ADAMTSL1: variants seen among roughly 807,000 people sequenced by gnomAD.
ADAMTSL1 encodes the protein ADAMTS like 1.
Under a neutral mutation model 201.8 loss-of-function variants are expected in ADAMTSL1, and 126 were observed. The observed-to-expected ratio is 0.62, with a 90% CI of 0.54 to 0.72. The LOEUF is 0.72. Ranked by LOEUF, ADAMTSL1 falls within the 30% of genes least tolerant of loss-of-function variation. The probability of loss-of-function intolerance (pLI) is 0.00; values close to 1 mark genes in which losing one functional copy is unlikely to be tolerated. For synonymous variants in ADAMTSL1, 1,121 were observed against 903.4 expected, an observed-to-expected ratio of 1.24 and a Z score of -4.32; for missense variants, 2,679 against 2,277.8, an observed-to-expected ratio of 1.18 and a Z score of -3.59.
intron 2 of ADAMTSL1, among the ~76,000 whole-genome samples, chr9:18,519,091 C>A (rs1818531802): frequency 6.6e-6 from 1 of 152,202 alleles, no homozygotes; most frequent in Non-Finnish European, 1.5e-5. Context: ...TTAAAGCCAA[C>A]TTCACCTGTA....
At chr9:18,452,814 C>A (rs768879408) in intron 2 of ADAMTSL1, among the ~76,000 whole-genome samples, 5 of 152,230 alleles carry the variant, frequency 3.3e-5, no homozygotes, top group Non-Finnish European at 7.3e-5. Flanking sequence ...GCCGCCAAGG[C>A]CTCACGCAGC....
At chr9:18,561,084 T>C (rs1821464438) in intron 3 of ADAMTSL1, among the ~76,000 whole-genome samples, 1 of 152,126 alleles carries the variant, frequency 6.6e-6, no homozygotes, top group Non-Finnish European at 1.5e-5. Flanking sequence ...AATCCGTTCC[T>C]GTTTGCTCTT....
intron 22 of ADAMTSL1, among the ~76,000 whole-genome samples, chr9:18,827,622 T>G (rs1250099503): frequency 1.3e-5 from 2 of 152,186 alleles, no homozygotes; most frequent in African/African-American, 4.8e-5. Flanking sequence ...TGAGTTACGG[T>G]GCTTACCAAT....
chr9:17,923,619 C>T, intron 1 of ADAMTSL1, among the ~76,000 whole-genome samples: 1 of 128,278 alleles, frequency 7.8e-6, no homozygotes, highest in African/African-American at 2.9e-5. Flanking sequence ...CCTTTATTTC[C>T]TTCTCCTGCC....
intron 2 of ADAMTSL1, among the ~76,000 whole-genome samples, chr9:18,341,842 G>T (rs981452527): frequency 6.6e-6 from 1 of 152,088 alleles, no homozygotes; most frequent in Non-Finnish European, 1.5e-5. Context: ...GGCAGGTAAT[G>T]GGAGAGAACT....
chr9:17,988,091 C>T (rs1818998329), intron 1 of ADAMTSL1, among the ~76,000 whole-genome samples: 1 of 152,046 alleles, frequency 6.6e-6, no homozygotes, highest in South Asian at 2.1e-4. Flanking sequence ...ACTATTCTGA[C>T]ATTTATGGCT....
intron 15 of ADAMTSL1, among the ~76,000 whole-genome samples, chr9:18,740,579 C>T (rs779999189): frequency 6.0e-5 from 9 of 150,148 alleles, no homozygotes; most frequent in Non-Finnish European, 1.2e-4. Context: ...CCGGTTCCAG[C>T]GATTCTCCTG....
chr9:18,839,838 G>C (rs1238290233), intron 23 of ADAMTSL1, among the ~76,000 whole-genome samples: 1 of 151,108 alleles, frequency 6.6e-6, no homozygotes, highest in African/African-American at 2.4e-5. Flanking sequence ...GTCTTCTTTT[G>C]AGAAGTGTCT....
intron 1 of ADAMTSL1, among the ~76,000 whole-genome samples, chr9:17,998,120 TA>T (rs898569775): frequency 4.0e-5 from 6 of 151,690 alleles, no homozygotes; most frequent in South Asian, 2.1e-4. Context: ...CTTAACAAGC[TA>T]AAAAAAAGCC....
At chr9:18,490,309 G>A (rs1017080451) in intron 1 of ADAMTSL1, among the ~76,000 whole-genome samples, 1 of 152,028 alleles carries the variant, frequency 6.6e-6, no homozygotes, top group Non-Finnish European at 1.5e-5. Context: ...CAGAATAGGT[G>A]GCAGAGGCAA....
intron 2 of ADAMTSL1, among the ~76,000 whole-genome samples, chr9:18,377,619 G>A (rs1212079635): frequency 1.3e-5 from 2 of 152,148 alleles, no homozygotes; most frequent in African/African-American, 4.8e-5. Context: ...ACCCAGGCTA[G>A]AGTGCAGTGG....
At chr9:18,860,819 C>T (rs934528922) in intron 23 of ADAMTSL1, among the ~76,000 whole-genome samples, 2 of 152,088 alleles carry the variant, frequency 1.3e-5, no homozygotes, top group Non-Finnish European at 2.9e-5. Flanking sequence ...GCTAATTGTA[C>T]ATTTTAAAGC....
At chr9:18,554,489 C>A (rs1405585084) in intron 3 of ADAMTSL1, among the ~76,000 whole-genome samples, 1 of 151,622 alleles carries the variant, frequency 6.6e-6, no homozygotes, top group African/African-American at 2.4e-5. Context: ...ATAGGGTGAC[C>A]CAATGCGAAT....
intron 1 of ADAMTSL1, among the ~76,000 whole-genome samples, chr9:18,163,368 A>G (rs1280047182): frequency 6.6e-6 from 1 of 152,028 alleles, no homozygotes; most frequent in African/African-American, 2.4e-5. Flanking sequence ...CAGCTAAAGT[A>G]CATCTGGTTC....
At chr9:18,071,522 G>T (rs77933226) in intron 1 of ADAMTSL1, among the ~76,000 whole-genome samples, 2,175 of 152,296 alleles carry the variant, frequency 0.014, 58 homozygotes, top group African/African-American at 0.05. Context: ...AAAATACTTT[G>T]TAAATTACTA....
intron 15 of ADAMTSL1, among the ~76,000 whole-genome samples, chr9:18,749,435 G>A (rs534014513): frequency 8.5e-5 from 13 of 152,138 alleles, no homozygotes; most frequent in East Asian, 1.9e-4. Flanking sequence ...AAGCAAAGAG[G>A]GGAAAAAGGC....
intron 16 of ADAMTSL1, among the ~76,000 whole-genome samples, chr9:18,756,379 T>C (rs569138070): frequency 6.6e-6 from 1 of 151,278 alleles, no homozygotes; most frequent in Non-Finnish European, 1.5e-5. Context: ...TTTACTGGAA[T>C]CCAACTTCTT....
At chr9:18,444,282 T>C (rs969349278) in intron 2 of ADAMTSL1, among the ~76,000 whole-genome samples, 3 of 152,222 alleles carry the variant, frequency 2.0e-5, no homozygotes, top group Non-Finnish European at 2.9e-5. Context: ...AATGCCATCT[T>C]ATTTAATCCT....
chr9:17,993,902 T>G (rs1475100827), intron 1 of ADAMTSL1, among the ~76,000 whole-genome samples: 1 of 152,162 alleles, frequency 6.6e-6, no homozygotes, highest in Non-Finnish European at 1.5e-5. Flanking sequence ...CCCTTAAAAA[T>G]GAGTCTCCAT....
Sources: allele counts gnomAD v4.1 joint callset (sites outside exome capture counted in the v4.1 genomes callset), GRCh38; gene constraint gnomAD v4.1.1; transcripts MANE v1.5; gene names NCBI Gene and HGNC (gene_info 2026-07-23, HGNC 2026-07-21).